Variants in ABCB6 observed in about 807,000 individuals in gnomAD.
ABCB6 encodes the protein ATP binding cassette subfamily B member 6 (LAN blood group), also known as ATP-binding cassette sub-family B member 6.
Under a neutral mutation model 99.4 loss-of-function variants are expected in ABCB6, and 87 were observed. The observed-to-expected ratio is 0.88, with a 90% CI of 0.74 to 1.05. ABCB6 has a LOEUF of 1.05. ABCB6 is among the 50% of genes least tolerant of loss of function. The pLI is 0.00. For synonymous variants in ABCB6, 482 were observed against 447.5 expected (o/e 1.08, Z -0.97); for missense variants, 1,050 against 1,097.9 (o/e 0.96, Z 0.62).
rs1012188334 is a variant in ABCB6, at chr2:219,218,775, G to T, written c.-102C>A. ...CGGACATCCGGGTGCCTTGGCTCAC[G>T]TAGCCGCTGGGCGCCAAGCTGCGGG... On this transcript the variant is annotated 5_prime_UTR_variant, in exon 1 of 19. Coordinates refer to ENST00000265316, the MANE Select transcript of ABCB6 (RefSeq NM_005689.4). The T allele has an allele frequency of 7.7e-7, 1 of 1,301,294 alleles. No homozygotes were observed. The allele number at this position is 1,301,294 out of a possible 1,614,324, so 80.6% of individuals were successfully genotyped here. A position where few individuals can be genotyped will look rare whatever the true frequency, so the allele number is the denominator to read the frequency against.
chr2:219,210,381 C>T lies in ABCB6; in HGVS notation c.2351G>A (p.Arg784Lys). 6.2e-7 allele frequency: 1 copy of T among 1,614,248 alleles called. No individual in the cohort carries two copies. The highest frequency in any genetic ancestry group is 2.2e-5 in the East Asian group (1 of 44,890). The change falls in exon 17 of 19, where the codon AGG becomes AAG. Residue 784 changes from arginine (R) to lysine (K), a missense_variant and splice_region_variant. Physicochemically the swap from Arg to Lys is conservative, Grantham distance 26. Coordinates refer to ENST00000265316, the MANE Select transcript of ABCB6 (RefSeq NM_005689.4). ...CCGCCCCAGGCCTGTAGTCCTGTAC[C>T]TGTGTGCCACTACGATGGTGGTGCG... ...ANRTTIVVAH[R>K]LSTVVNADQI...
Position 219,218,601 on chromosome 2 carries a change from G to A in ABCB6, c.73C>T (p.Pro25Ser), listed in dbSNP as rs751629886. The A allele has an allele frequency of 1.2e-6, 2 of 1,612,420 alleles. No individual in the cohort carries two copies. The highest frequency in any genetic ancestry group is 3.3e-5 in the Admixed American group (2 of 59,936). Reference sequence around the variant, plus strand: ...GGCACGAGCGTGAAGAAGAAGCAGGGACTCAGGCCATCCTGCATCCAGGCC... The same window carrying A: ...GGCACGAGCGTGAAGAAGAAGCAGGAACTCAGGCCATCCTGCATCCAGGCC... ...GPAWMQDGLS[P>S]CFFFTLVPST... Residue 25 changes from proline to serine, a missense_variant, in exon 1 of 19, where the codon CCC becomes TCC. Pro to Ser is a moderately conservative substitution (Grantham distance 74). Coordinates refer to ENST00000265316, the MANE Select transcript of ABCB6 (RefSeq NM_005689.4).
Position 219,213,015 on chromosome 2 carries a change from A to G in ABCB6, c.1856T>C (p.Leu619Pro), listed in dbSNP as rs771055662. ...VSFTVMPGQTLALVGPSGAGK... is the reference protein window; with the variant it reads ...VSFTVMPGQTPALVGPSGAGK... The stretch of plus-strand genomic sequence containing the variant: ...GGCTGGGTCTCCTCTCACCAGGGCA[A>G]GTGTCTGTCCAGGCATCACAGTGAA... Residue 619 changes from leucine (L) to proline (P), a missense_variant, in exon 13 of 19, where the codon CTT becomes CCT. Physicochemically the swap from Leu to Pro is moderately conservative, Grantham distance 98 (BLOSUM62 -3). Transcript: ENST00000265316. 7 of 1,614,030 alleles carry G rather than the reference A, an allele frequency of 4.3e-6. No individual in the cohort carries two copies. The highest frequency in any genetic ancestry group is 1.1e-5 in the South Asian group (1 of 91,064).
intron 15 of ABCB6, 45 bp from the exon 16 acceptor site, chr2:219,210,868 C>G (rs1950569146): frequency 4.3e-6 from 7 of 1,612,924 alleles, no homozygotes; most frequent in Non-Finnish European, 5.9e-6. Context: ...ACGGAGGGAA[C>G]AGGGGTCAGG....
Position 219,210,476 on chromosome 2 carries a change from C to CT in ABCB6, c.2257-2dup. On this transcript the variant is annotated splice_acceptor_variant, in intron 16 of 18. Coordinates refer to ENST00000265316, the MANE Select transcript of ABCB6 (RefSeq NM_005689.4). LOFTEE classifies it high-confidence loss of function. ...TAGATGTATCCAGCGCTGACGTTGC[C>CT]TATAGAGAGGGTCCAGGTAAAACTG... 6.2e-7 allele frequency: 1 copy of CT among 1,613,960 alleles called. No individual in the cohort carries two copies.
chr2:219,212,799 G>A (rs2106424131), intron 13 of ABCB6, among the ~76,000 whole-genome samples: 1 of 152,008 alleles, frequency 6.6e-6, no homozygotes, highest in Non-Finnish European at 1.5e-5. Context: ...TGGGATTACA[G>A]GCATGTGCCA....
chr2:219,213,540 C>A, intron 10 of ABCB6, 38 bp from the exon 11 acceptor site: 1 of 1,614,148 alleles, frequency 6.2e-7, no homozygotes, highest in South Asian at 1.1e-5. Context: ...TCTGAGTAGC[C>A]AGGAAATAAT....
chr2:219,211,621 C>T (rs1487855572), intron 14 of ABCB6, among the ~76,000 whole-genome samples: 2 of 87,860 alleles, frequency 2.3e-5, no homozygotes, highest in Non-Finnish European at 2.3e-5. Flanking sequence ...ATCGTTGTAC[C>T]TTTTTTTTTT....
rs1424074180 is a variant in ABCB6, at chr2:219,214,972, C to T, written c.1265G>A (p.Ser422Asn). ...CCAGCAGCACTCACTGAGGTAAAGA[C>T]TCATGCACAGGAACACAATGAGGCC... ...WFGLIVFLCM[S>N]LYLTLTIVVT... is the part of the protein sequence containing the mutation. The change falls in exon 6 of 19, where the codon AGT becomes AAT. Residue 422 changes from serine (S) to asparagine (N), a missense_variant. By Grantham distance (46) the Ser-to-Asn change is conservative. Coordinates refer to ENST00000265316, the MANE Select transcript of ABCB6 (RefSeq NM_005689.4). 4 of 1,614,144 alleles carry T rather than the reference C, an allele frequency of 2.5e-6. No homozygotes were observed. The highest frequency in any genetic ancestry group is 8.5e-7 in the Non-Finnish European group (1 of 1,180,032).
Position 219,218,761 on chromosome 2 carries a change from G to A in ABCB6, c.-88C>T. On this transcript the variant is annotated 5_prime_UTR_variant, in exon 1 of 19. Transcript: ENST00000265316. ...CTCGGAGAGGGGCGCGGACATCCGGGTGCCTTGGCTCACGTAGCCGCTGGG... is the reference window on the plus strand; with the variant it reads ...CTCGGAGAGGGGCGCGGACATCCGGATGCCTTGGCTCACGTAGCCGCTGGG... The A allele has an allele frequency of 2.1e-6, 3 of 1,397,164 alleles. No homozygotes were observed. Among genetic ancestry groups the A allele is most frequent in the Non-Finnish European group, 2.8e-6 (3 of 1,057,400 alleles). 86.5% of individuals were successfully genotyped at this position (1,397,164 alleles called of 1,614,324 possible).
intron 5 of ABCB6, chr2:219,215,436 TA>T: frequency 4.6e-6 from 1 of 216,650 alleles, no homozygotes; most frequent in Non-Finnish European, 9.3e-6. Context: ...AATATGTATG[TA>T]AAAATGCAAA....
intron 14 of ABCB6, 47 bp from the exon 15 acceptor site, chr2:219,211,155 G>A: frequency 6.2e-7 from 1 of 1,601,358 alleles, no homozygotes; most frequent in Non-Finnish European, 8.5e-7. Context: ...TACCCCCAAG[G>A]CCTGGGAGGC....
In ABCB6 at chr2:219,213,935, G is replaced by T. The variant is rs772193917; in HGVS notation, c.1469C>A (p.Ser490Ter). Reference sequence around the variant, plus strand: ...ATTTAGTAAAACCAGTGAAGCGCTCGACTTCCACTCCAAACCCTGAGGGCA... The same window carrying T: ...ATTTAGTAAAACCAGTGAAGCGCTCTACTTCCACTCCAAACCCTGAGGGCA... ...IIKYQGLEWKSSASLVLLNQT... is the reference protein window; with the variant it reads ...IIKYQGLEWK Residue 490 changes from serine (S) to a stop codon, truncating the protein, a stop_gained, in exon 9 of 19, where the codon TCG becomes TAG. Coordinates refer to ENST00000265316, the MANE Select transcript of ABCB6 (RefSeq NM_005689.4). LOFTEE classifies it high-confidence loss of function. The T allele has an allele frequency of 1.9e-6, 3 of 1,613,866 alleles. No homozygotes were observed. The highest frequency in any genetic ancestry group is 2.5e-6 in the Non-Finnish European group (3 of 1,180,030).
In ABCB6 at chr2:219,213,298, A is replaced by AG. The variant is rs1228805950; in HGVS notation, c.1747dup (p.Leu583ProfsTer9). 2.5e-6 allele frequency: 4 copies of AG among 1,614,026 alleles called. No individual in the cohort carries two copies. The highest frequency in any genetic ancestry group is 3.4e-6 in the Non-Finnish European group (4 of 1,180,056). Reference sequence around the variant, plus strand: ...CTCAATACGGCCCTTCTGAAAGCGAAGGGGCCCTGCTCCAGGAAGGTCCTT... The same window carrying AG: ...CTCAATACGGCCCTTCTGAAAGCGAAGGGGGCCCTGCTCCAGGAAGGTCCTT... On this transcript the variant is annotated frameshift_variant, in exon 12 of 19. Coordinates refer to ENST00000265316, the MANE Select transcript of ABCB6 (RefSeq NM_005689.4). LOFTEE classifies it high-confidence loss of function.
chr2:219,214,521 G>A (rs984123422), intron 6 of ABCB6, 23 bp from the exon 7 acceptor site: 14 of 1,532,942 alleles, frequency 9.1e-6, no homozygotes, highest in African/African-American at 5.5e-5. Flanking sequence ...AGGATGGGGA[G>A]CAGAATAGGA....
chr2:219,218,730 T>A lies in ABCB6; in HGVS notation c.-57A>T, dbSNP rs1003087272. ...GCACTGCGGGACCGGAGGCCGGGAC[T>A]GGTCACTCGGAGAGGGGCGCGGACA... On this transcript the variant is annotated 5_prime_UTR_variant, in exon 1 of 19. Coordinates refer to ENST00000265316, the MANE Select transcript of ABCB6 (RefSeq NM_005689.4). The A allele has an allele frequency of 6.7e-7, 1 of 1,485,330 alleles. No individual in the cohort carries two copies. The highest frequency in any genetic ancestry group is 2.4e-5 in the Admixed American group (1 of 41,494). The allele number at this position is 1,485,330 out of a possible 1,614,324, so 92.0% of individuals were successfully genotyped here. A position where few individuals can be genotyped will look rare whatever the true frequency, so the allele number is the denominator to read the frequency against.
chr2:219,210,649 C>T, intron 16 of ABCB6, 62 bp downstream of exon 16: 1 of 1,609,142 alleles, frequency 6.2e-7, no homozygotes, highest in Non-Finnish European at 8.5e-7. Flanking sequence ...GGGGACAGTG[C>T]CCAGGAGGAA....
At chr2:219,215,751 C>A (rs1035597740) in intron 5 of ABCB6, 14 of 379,982 alleles carry the variant, frequency 3.7e-5, no homozygotes, top group Non-Finnish European at 6.1e-5. Flanking sequence ...AAAAAAAGAG[C>A]AGAACCCAAC....
Position 219,218,343 on chromosome 2 carries a change from A to C in ABCB6, c.331T>G (p.Ser111Ala). 6.2e-7 allele frequency: 1 copy of C among 1,613,142 alleles called. No individual in the cohort carries two copies. The highest frequency in any genetic ancestry group is 1.7e-5 in the Admixed American group (1 of 60,024). ...APLPSYLLLA[S>A]VLESLAGACG... ...GCGCCGGCCAGACTCTCCAGCACGG[A>C]GGCCAGAAGTAGATAGCTTGGCAGT... Residue 111 changes from serine (S) to alanine (A), a missense_variant, in exon 1 of 19, where the codon TCC (serine) becomes GCC (alanine). Transcript: ENST00000265316.
Sources: gnomAD v4.1 joint callset for allele counts (sites outside exome capture counted in the v4.1 genomes callset) on GRCh38, gnomAD v4.1.1 for gene constraint, MANE v1.5 for transcripts, NCBI Gene and HGNC (gene_info 2026-07-23, HGNC 2026-07-21) for gene names.